Variants in DYNC2I1 observed in about 807,000 individuals in gnomAD.
The protein encoded by DYNC2I1 is dynein 2 intermediate chain 1, also known as cytoplasmic dynein 2 intermediate chain 1.
DYNC2I1 carries 89 observed loss-of-function variants against 133.4 expected under a neutral mutation model. The ratio of observed to expected loss-of-function variants is 0.67; its 90% CI spans 0.56 to 0.80. The LOEUF is 0.80. Ranked by LOEUF, DYNC2I1 falls within the 30% of genes least tolerant of loss-of-function variation. The probability of loss-of-function intolerance (pLI) is 0.00; values close to 1 mark genes in which losing one functional copy is unlikely to be tolerated. For missense variants in DYNC2I1, 1,291 were observed against 1,314.5 expected, an observed-to-expected ratio of 0.98 and a Z score of 0.28; for synonymous variants, 504 against 484.3, an observed-to-expected ratio of 1.04 and a Z score of -0.54.
chr7:158,912,835 C>T (rs1847622499), intron 12 of DYNC2I1, 150 bp from the exon 13 acceptor site: 5 of 560,288 alleles, frequency 8.9e-6, no homozygotes, highest in South Asian at 4.3e-5. Flanking sequence ...ATATCTATAT[C>T]GAACGTTTAA....
At chr7:158,889,036 TACACACACAC>T (rs71200077) in intron 7 of DYNC2I1, among the ~76,000 whole-genome samples, 16 of 141,292 alleles carry the variant, frequency 1.1e-4, no homozygotes, top group East Asian at 4.2e-4. Context: ...TTTAAACATT[TACACACACAC>T]ACACACACAC....
At chr7:158,864,537 T>C (rs842692) in intron 1 of DYNC2I1, among the ~76,000 whole-genome samples, 79,838 of 152,026 alleles carry the variant, frequency 0.53, 24,145 homozygotes, top group African/African-American at 0.84. Context: ...GAGATGGGGT[T>C]TCGCTGTGTT....
chr7:158,855,914 C>T (rs1404218164), upstream of DYNC2I1, among the ~76,000 whole-genome samples: 3 of 151,324 alleles, frequency 2.0e-5, no homozygotes, highest in Non-Finnish European at 4.4e-5. Context: ...AAGTGCAAAG[C>T]CTTATTCAAA....
chr7:158,851,311 C>A, the DYNC2I1 span, among the ~76,000 whole-genome samples: 1 of 152,064 alleles, frequency 6.6e-6, no homozygotes, highest in African/African-American at 2.4e-5. Flanking sequence ...GGCAGATGAA[C>A]TGCTTGAGCT....
At chr7:158,939,137 A>C (rs1851074551) in intron 23 of DYNC2I1, among the ~76,000 whole-genome samples, 1 of 152,088 alleles carries the variant, frequency 6.6e-6, no homozygotes, top group Non-Finnish European at 1.5e-5. Flanking sequence ...CTTTAAAATA[A>C]CTTGTTTTAG....
At chr7:158,841,188 T>C in the DYNC2I1 span, among the ~76,000 whole-genome samples, 1 of 70,338 alleles carries the variant, frequency 1.4e-5, no homozygotes, top group African/African-American at 8.2e-5. Flanking sequence ...TATATATATA[T>C]ATATATATAT....
chr7:158,947,959 A>G (rs961823527), downstream of DYNC2I1, among the ~76,000 whole-genome samples: 9 of 152,218 alleles, frequency 5.9e-5, no homozygotes, highest in African/African-American at 1.9e-4. Context: ...TTTTTGAGCC[A>G]TATAGAAATG....
upstream of DYNC2I1, chr7:158,856,528 C>G (rs1282643043): frequency 2.3e-6 from 1 of 439,440 alleles, no homozygotes; most frequent in Non-Finnish European, 3.7e-6. Flanking sequence ...CTGCCAGGTG[C>G]TAAAAATGCC....
chr7:158,879,497 G>C (rs1453903138), intron 4 of DYNC2I1, among the ~76,000 whole-genome samples, 187 bp from the exon 5 acceptor site: 1 of 152,084 alleles, frequency 6.6e-6, no homozygotes, highest in African/African-American at 2.4e-5. Context: ...GATGCAAATA[G>C]TTGTTATTGT....
At chr7:158,918,607 C>T (rs1056368012) in intron 14 of DYNC2I1, 133 bp from the exon 15 acceptor site, 81 of 1,002,008 alleles carry the variant, frequency 8.1e-5, no homozygotes, top group Non-Finnish European at 1.1e-4. Context: ...TATCGTTTTT[C>T]TTGTAGTTAT....
chr7:158,901,121 T>G (rs932459585), intron 8 of DYNC2I1, among the ~76,000 whole-genome samples: 3 of 152,134 alleles, frequency 2.0e-5, no homozygotes, highest in Non-Finnish European at 4.4e-5. Flanking sequence ...TCTTCTTGAT[T>G]GTGCAGTGGC....
chr7:158,952,845 C>T (rs1454716831), intron 4 of DYNC2I1, among the ~76,000 whole-genome samples: 1 of 151,712 alleles, frequency 6.6e-6, no homozygotes, highest in Non-Finnish European at 1.5e-5. Context: ...GGACTCTCCT[C>T]AGCACCCTTC....
At chr7:158,843,055 T>A in the DYNC2I1 span, among the ~76,000 whole-genome samples, 1 of 152,210 alleles carries the variant, frequency 6.6e-6, no homozygotes, top group Admixed American at 6.5e-5. Flanking sequence ...CAGCTAAGTA[T>A]CAACAGGACC....
upstream of DYNC2I1, among the ~76,000 whole-genome samples, chr7:158,856,025 T>TC (rs1841205776): frequency 6.8e-6 from 1 of 147,148 alleles, no homozygotes; most frequent in South Asian, 2.2e-4. Context: ...CACTGCAAGC[T>TC]CCGTCTCCCA....
chr7:158,892,581 A>G (rs1362774258), intron 8 of DYNC2I1, among the ~76,000 whole-genome samples: 1 of 152,080 alleles, frequency 6.6e-6, no homozygotes, highest in Non-Finnish European at 1.5e-5. Context: ...AGTTGGGATC[A>G]TAGGCATGAG....
At chr7:158,954,610 T>C (rs1187051224) in intron 4 of DYNC2I1, among the ~76,000 whole-genome samples, 1 of 152,248 alleles carries the variant, frequency 6.6e-6, no homozygotes. Context: ...CTCGTGCCAG[T>C]GCTCTCCAGC....
chr7:158,935,212 T>C (rs1439763098), intron 23 of DYNC2I1, among the ~76,000 whole-genome samples: 1 of 152,258 alleles, frequency 6.6e-6, no homozygotes, highest in Admixed American at 6.5e-5. Context: ...GTCCCTGCGC[T>C]GCACTCATGC....
the DYNC2I1 span, among the ~76,000 whole-genome samples, chr7:158,846,511 A>T: frequency 6.6e-6 from 1 of 152,160 alleles, no homozygotes; most frequent in African/African-American, 2.4e-5. Flanking sequence ...TACTGTTAGT[A>T]AAAAAAGGAA....
At chr7:158,942,415 G>A (rs1286791299) in intron 24 of DYNC2I1, among the ~76,000 whole-genome samples, 3 of 152,154 alleles carry the variant, frequency 2.0e-5, no homozygotes, top group Admixed American at 1.3e-4. Flanking sequence ...TGCAATCACG[G>A]GCCTGTTCCC....
Sources: allele counts gnomAD v4.1 joint callset (sites outside exome capture counted in the v4.1 genomes callset), GRCh38; gene constraint gnomAD v4.1.1; transcripts MANE v1.5; gene names NCBI Gene and HGNC (gene_info 2026-07-23, HGNC 2026-07-21).